NELL2: variants seen among roughly 807,000 people sequenced by gnomAD.
The protein encoded by NELL2 is protein kinase C-binding protein NELL2.
Under a neutral mutation model 109.6 loss-of-function variants are expected in NELL2, and 41 were observed. The ratio of observed to expected loss-of-function variants is 0.37; its 90% confidence interval spans 0.29 to 0.49. The LOEUF is 0.49. Ranked by LOEUF, NELL2 falls within the 20% of genes least tolerant of loss-of-function variation. The pLI is 0.98. For missense variants in NELL2, 900 were observed against 1,008.3 expected, an observed-to-expected ratio of 0.89 and a Z score of 1.45; for synonymous variants, 355 against 344.7, an observed-to-expected ratio of 1.03 and a Z score of -0.33.
chr12:44,516,729 T>A (rs1473446167), intron 19 of NELL2, among the ~76,000 whole-genome samples: 1 of 152,142 alleles, frequency 6.6e-6, no homozygotes, highest in African/African-American at 2.4e-5. Flanking sequence ...GGCATGATCA[T>A]GGCTGACTGC....
At chr12:44,875,508 T>C (rs1945290498) in intron 1 of NELL2, 155 bp from the exon 2 acceptor site, 1 of 1,613,666 alleles carries the variant, frequency 6.2e-7, no homozygotes, top group Non-Finnish European at 8.5e-7. Flanking sequence ...GAGCCTTACC[T>C]GAGATCAGCA....
chr12:44,608,920 A>G (rs907557411), intron 14 of NELL2, among the ~76,000 whole-genome samples: 3 of 150,138 alleles, frequency 2.0e-5, no homozygotes, highest in Non-Finnish European at 4.4e-5. Flanking sequence ...ATATATGTAT[A>G]TATATATTTT....
intron 9 of NELL2, among the ~76,000 whole-genome samples, chr12:44,742,618 C>A (rs1338387732): frequency 6.6e-6 from 1 of 152,110 alleles, no homozygotes; most frequent in African/African-American, 2.4e-5. Context: ...CTTAAAGGAC[C>A]TGATGGAGCT....
At chr12:44,744,451 A>G (rs1430782435) in intron 9 of NELL2, among the ~76,000 whole-genome samples, 3 of 152,224 alleles carry the variant, frequency 2.0e-5, no homozygotes, top group African/African-American at 7.2e-5. Context: ...AACTAATATC[A>G]GAGCAGAACT....
intron 15 of NELL2, among the ~76,000 whole-genome samples, chr12:44,536,279 G>T (rs1459426876): frequency 6.6e-6 from 1 of 151,874 alleles, no homozygotes; most frequent in Non-Finnish European, 1.5e-5. Context: ...CACAATTTAT[G>T]AATTAAGTAT....
chr12:44,821,909 A>AT (rs1169968887), intron 2 of NELL2, among the ~76,000 whole-genome samples: 2 of 149,774 alleles, frequency 1.3e-5, no homozygotes, highest in Non-Finnish European at 3.0e-5. Flanking sequence ...TTATTTATTT[A>AT]TTTATTTATT....
chr12:44,784,834 C>T (rs1942103070), intron 3 of NELL2, among the ~76,000 whole-genome samples: 1 of 152,296 alleles, frequency 6.6e-6, no homozygotes, highest in South Asian at 2.1e-4. Context: ...TTCAACACCC[C>T]TTCATGCTAA....
At chr12:44,797,815 C>A (rs1319087164) in intron 3 of NELL2, among the ~76,000 whole-genome samples, 1 of 146,018 alleles carries the variant, frequency 6.8e-6, no homozygotes, top group East Asian at 2.1e-4. Context: ...TTTATTCCAT[C>A]ATTCCATCTA....
rs532082847 is a variant in NELL2, at chr12:44,766,098, AAAAG to A, written c.994+8645_994+8648del. On this transcript the variant is annotated intron_variant, in intron 9 of 19. Transcript: ENST00000429094. ...AAGACTCCGTATCAGAAAAAAAAAA[AAAAG>A]AAAGAAATGCATCTGAATTCTGCTT... is the stretch of plus-strand genomic sequence containing the variant. Among the ~76,000 whole-genome samples, 430 of 152,264 alleles carry A rather than the reference AAAAG, an allele frequency of 2.8e-3. 1 individual carries two copies. The highest frequency in any genetic ancestry group is 6.6e-3 in the South Asian group (32 of 4,822).
intron 10 of NELL2, among the ~76,000 whole-genome samples, chr12:44,713,384 T>C (rs1441034503): frequency 6.6e-6 from 1 of 151,976 alleles, no homozygotes; most frequent in Non-Finnish European, 1.5e-5. Context: ...GTAACTTCTC[T>C]GAGTCTCTTT....
At chr12:44,587,285 ATAT>A (rs1414079849) in intron 15 of NELL2, among the ~76,000 whole-genome samples, 3 of 71,044 alleles carry the variant, frequency 4.2e-5, no homozygotes, top group African/African-American at 1.9e-4. Flanking sequence ...AAAAAAAAAA[ATAT>A]ATATATATAT....
At chr12:44,738,317 T>C (rs73285436) in intron 9 of NELL2, among the ~76,000 whole-genome samples, 11,493 of 152,090 alleles carry the variant, frequency 0.076, 1,412 homozygotes, top group African/African-American at 0.26. Flanking sequence ...ATACAAAAGA[T>C]ATGAAATCAA....
At chr12:44,726,845 T>C (rs1443919580) in intron 9 of NELL2, among the ~76,000 whole-genome samples, 1 of 152,186 alleles carries the variant, frequency 6.6e-6, no homozygotes, top group Non-Finnish European at 1.5e-5. Flanking sequence ...TATTAGTATG[T>C]ATTTATAGCA....
intron 15 of NELL2, among the ~76,000 whole-genome samples, chr12:44,597,360 T>G (rs1335782607): frequency 1.3e-5 from 2 of 152,218 alleles, no homozygotes; most frequent in East Asian, 3.8e-4. Flanking sequence ...TTTCCTCAAT[T>G]ATGCTTCCAT....
At chr12:44,682,459 T>C (rs1592324876) in intron 12 of NELL2, among the ~76,000 whole-genome samples, 1 of 152,132 alleles carries the variant, frequency 6.6e-6, no homozygotes, top group East Asian at 1.9e-4. Context: ...TTTGTTGCCA[T>C]TGCTTTTGGT....
chr12:44,892,797 C>CAA (rs57230571), intron 1 of NELL2, among the ~76,000 whole-genome samples: 387 of 56,062 alleles, frequency 6.9e-3, no homozygotes, highest in Admixed American at 7.7e-3. Context: ...GACTCTGTCT[C>CAA]AAAAAAAAAA....
intron 15 of NELL2, among the ~76,000 whole-genome samples, chr12:44,545,549 A>G (rs1942758656): frequency 6.6e-6 from 1 of 152,096 alleles, no homozygotes; most frequent in African/African-American, 2.4e-5. Context: ...CTACAGATGA[A>G]GAAAGAGATG....
chr12:44,509,095 A>G (rs900147637), intron 19 of NELL2, 111 bp from the exon 20 acceptor site: 1 of 836,610 alleles, frequency 1.2e-6, no homozygotes, highest in African/African-American at 1.7e-5. Flanking sequence ...TTATTTCTGC[A>G]TTCCTAAAAA....
chr12:44,644,631 C>CATAT (rs144306927), intron 13 of NELL2, among the ~76,000 whole-genome samples: 2,479 of 100,812 alleles, frequency 0.025, 58 homozygotes, highest in Non-Finnish European at 0.035. Context: ...TATATACATA[C>CATAT]ATATATATAT....
Sources: gnomAD v4.1 joint callset for allele counts (sites outside exome capture counted in the v4.1 genomes callset) on GRCh38, gnomAD v4.1.1 for gene constraint, MANE v1.5 for transcripts, NCBI Gene and HGNC (gene_info 2026-07-23, HGNC 2026-07-21) for gene names.